Variants in KALRN observed in about 807,000 individuals in gnomAD.
KALRN encodes kalirin.
KALRN carries 70 observed loss-of-function variants against 353.7 expected under a neutral mutation model. That is an observed-to-expected ratio of 0.20 (90% CI 0.16 to 0.24). KALRN has a LOEUF of 0.24. KALRN is among the 10% of genes least tolerant of loss of function. KALRN has a pLI of 1.00. For synonymous variants in KALRN, 1,391 were observed against 1,434.8 expected (o/e 0.97, Z 0.69); for missense variants, 2,791 against 3,756.7 (o/e 0.74, Z 6.72).
chr3:124,579,576 G>A (rs62267576), intron 34 of KALRN, among the ~76,000 whole-genome samples: 37,863 of 152,008 alleles, frequency 0.25, 4,870 homozygotes, highest in East Asian at 0.33. Context: ...AGCGAGGGGC[G>A]GGCACAAGTA....
chr3:124,204,206 C>T (rs2076208063), intron 1 of KALRN, among the ~76,000 whole-genome samples: 1 of 152,146 alleles, frequency 6.6e-6, no homozygotes, highest in South Asian at 2.1e-4. Flanking sequence ...TATTGTTTTG[C>T]TCTTATGCTT....
chr3:124,582,166 A>G lies in KALRN; in HGVS notation c.5182+19077A>G, dbSNP rs544279432. Among the ~76,000 whole-genome samples, 167 of 152,190 alleles carry G rather than the reference A, an allele frequency of 1.1e-3. 1 individual carries two copies. The highest frequency in any genetic ancestry group is 1.6e-3 in the Non-Finnish European group (112 of 68,008). ...CTCCCGAATAGTGGGGATTACAGAC[A>G]TGCATCACCATGCCCAGTTAATTTT... is the stretch of plus-strand genomic sequence containing the variant. On this transcript the variant is annotated intron_variant, in intron 34 of 59. Coordinates refer to ENST00000682506, the MANE Select transcript of KALRN (RefSeq NM_001388419.1).
At chr3:124,215,045 A>G (rs1424395000) in intron 1 of KALRN, among the ~76,000 whole-genome samples, 1 of 152,190 alleles carries the variant, frequency 6.6e-6, no homozygotes, top group African/African-American at 2.4e-5. Flanking sequence ...CCAGTCTCAT[A>G]AGGGCAGGGG....
At chr3:124,408,632 C>G (rs1229418521) in intron 13 of KALRN, among the ~76,000 whole-genome samples, 1 of 152,058 alleles carries the variant, frequency 6.6e-6, no homozygotes, top group African/African-American at 2.4e-5. Context: ...CATCTAAACA[C>G]TGATCTGAAG....
intron 10 of KALRN, among the ~76,000 whole-genome samples, chr3:124,359,203 C>T (rs1419480484): frequency 1.3e-5 from 2 of 152,224 alleles, no homozygotes; most frequent in African/African-American, 2.4e-5. Context: ...TTTTGCCCTT[C>T]TCTGCCTGTC....
In KALRN at chr3:124,632,624, G is replaced by C. The variant is rs148384593; in HGVS notation, c.5387G>C (p.Arg1796Pro). ...DGNIKKQKKV[R>P]DGRKSFDLGS... Reference sequence around the variant, plus strand: ...AACATCAAAAAGCAGAAGAAAGTTCGCGATGGTCGGAAGAGCTTTGACCTG... The same window carrying C: ...AACATCAAAAAGCAGAAGAAAGTTCCCGATGGTCGGAAGAGCTTTGACCTG... Residue 1796 changes from arginine (R) to proline (P), a missense_variant, in exon 35 of 60, where the codon CGC becomes CCC. Arg to Pro is a moderately radical substitution (Grantham distance 103, BLOSUM62 -2). Coordinates refer to ENST00000682506, the MANE Select transcript of KALRN (RefSeq NM_001388419.1). The C allele has an allele frequency of 6.2e-7, 1 of 1,614,150 alleles. No individual in the cohort carries two copies. The highest frequency in any genetic ancestry group is 1.7e-5 in the Admixed American group (1 of 60,022).
At chr3:124,192,195 T>A (rs992815131) in intron 1 of KALRN, among the ~76,000 whole-genome samples, 1 of 152,208 alleles carries the variant, frequency 6.6e-6, no homozygotes, top group African/African-American at 2.4e-5. Flanking sequence ...CCTAATCTGA[T>A]ATGATTGGTG....
intron 25 of KALRN, among the ~76,000 whole-genome samples, chr3:124,468,042 G>A (rs1302133121): frequency 6.6e-6 from 1 of 152,078 alleles, no homozygotes; most frequent in East Asian, 1.9e-4. Flanking sequence ...GAAGGAGATC[G>A]AGGGAAAGAG....
intron 1 of KALRN, among the ~76,000 whole-genome samples, chr3:124,090,921 G>A (rs1006644791): frequency 2.0e-5 from 3 of 152,210 alleles, no homozygotes; most frequent in Non-Finnish European, 4.4e-5. Context: ...TCTTGGGAGG[G>A]TGGACTTGAA....
At chr3:124,227,241 A>G (rs1254077370) in intron 1 of KALRN, among the ~76,000 whole-genome samples, 1 of 152,172 alleles carries the variant, frequency 6.6e-6, no homozygotes, top group Non-Finnish European at 1.5e-5. Flanking sequence ...CATAGAAAGG[A>G]CTTTCTAAAT....
intron 5 of KALRN, among the ~76,000 whole-genome samples, chr3:124,296,039 T>C (rs2076818444): frequency 6.6e-6 from 1 of 152,188 alleles, no homozygotes; most frequent in Admixed American, 6.5e-5. Context: ...CCTTTCGTCC[T>C]TTCTTTACTG....
At chr3:124,686,115 T>G (rs1159377075) in intron 51 of KALRN, among the ~76,000 whole-genome samples, 1 of 152,208 alleles carries the variant, frequency 6.6e-6, no homozygotes, top group Admixed American at 6.6e-5. Flanking sequence ...TATAAATAAA[T>G]GCCCATGTTA....
chr3:124,330,244 T>TCACACACACA (rs1278125602), intron 8 of KALRN, among the ~76,000 whole-genome samples: 1 of 96,172 alleles, frequency 1.0e-5, no homozygotes, highest in Non-Finnish European at 2.1e-5. Flanking sequence ...TCTCTCTCTC[T>TCACACACACA]CTCACACACA....
intron 10 of KALRN, among the ~76,000 whole-genome samples, chr3:124,358,144 T>C (rs553944109): frequency 6.6e-6 from 1 of 152,306 alleles, no homozygotes; most frequent in South Asian, 2.1e-4. Flanking sequence ...GAGTCAAATT[T>C]TGAGTGAGTT....
At chr3:124,124,064 T>C (rs1201186379) in intron 1 of KALRN, among the ~76,000 whole-genome samples, 1 of 152,254 alleles carries the variant, frequency 6.6e-6, no homozygotes, top group African/African-American at 2.4e-5. Flanking sequence ...AAGAAGTACA[T>C]TTCATAAGAC....
chr3:124,491,341 A>T lies in KALRN; in HGVS notation c.4606A>T (p.Thr1536Ser). 6.2e-7 allele frequency: 1 copy of T among 1,607,062 alleles called. No homozygotes were observed. The highest frequency in any genetic ancestry group is 1.1e-5 in the South Asian group (1 of 89,884). ...NKLLTSELGV[T>S]EHVEGDPCKF... ...TCTACAGACCTCAGAGCTGGGTGTG[A>T]CCGAGCACGTGGAGGGCGATCCCTG... Residue 1536 changes from threonine to serine, a missense_variant, in exon 31 of 60, where the codon ACC (threonine) becomes TCC (serine). This residue lies in a region of KALRN where 239 missense variants were observed against 351.3 expected (regional missense o/e 0.68). Transcript: ENST00000682506.
chr3:124,169,492 G>A (rs1474052395), intron 1 of KALRN, among the ~76,000 whole-genome samples: 1 of 152,068 alleles, frequency 6.6e-6, no homozygotes, highest in Non-Finnish European at 1.5e-5. Context: ...AGCTGCATAG[G>A]GCTTGATACT....
intron 59 of KALRN, 92 bp from the exon 60 acceptor site, chr3:124,718,833 T>A (rs985805199): frequency 2.9e-5 from 34 of 1,190,136 alleles, no homozygotes; most frequent in Non-Finnish European, 3.9e-5. Flanking sequence ...AAGAATAGCA[T>A]AACTGTGTTT....
chr3:124,046,903 T>TC (rs1456567580), intron 1 of KALRN, among the ~76,000 whole-genome samples: 1 of 151,648 alleles, frequency 6.6e-6, no homozygotes, highest in East Asian at 1.9e-4. Flanking sequence ...TTGACCCATT[T>TC]TTTTTTTCAA....
Sources: gnomAD v4.1 joint callset for allele counts (sites outside exome capture counted in the v4.1 genomes callset) on GRCh38, gnomAD v4.1.1 for gene constraint, gnomAD v4.1.1 regional missense constraint, MANE v1.5 for transcripts, NCBI Gene and HGNC (gene_info 2026-07-23, HGNC 2026-07-21) for gene names.